Variants in GSE1 observed in about 807,000 individuals in gnomAD.
GSE1 encodes the protein Gse1 coiled-coil protein, also known as genetic suppressor element 1.
A neutral mutation model predicts 112.6 loss-of-function variants in GSE1; 32 were observed. That is an observed-to-expected ratio of 0.28 (90% CI 0.21 to 0.38). The LOEUF (loss-of-function observed/expected upper bound fraction) is 0.38. Ranked by LOEUF, GSE1 falls within the 10% of genes least tolerant of loss-of-function variation. GSE1 has a pLI of 1.00. For synonymous variants in GSE1, 1,115 were observed against 735.6 expected, an observed-to-expected ratio of 1.52 and a Z score of -8.35; for missense variants, 2,348 against 1,699.2, an observed-to-expected ratio of 1.38 and a Z score of -6.71.
At chr16:85,170,787 G>C (rs753229056) in exon 1 of GSE1, 475 of 985,462 alleles carry the variant, frequency 4.8e-4, no homozygotes, top group Non-Finnish European at 5.5e-4. Flanking sequence ...GTACCTTGGT[G>C]TGCGCCAGCT....
At chr16:85,298,614 A>G (rs1158810524) in intron 1 of GSE1, among the ~76,000 whole-genome samples, 3 of 152,078 alleles carry the variant, frequency 2.0e-5, no homozygotes, top group South Asian at 2.1e-4. Context: ...ATGTTTAGAG[A>G]TGGGGTTTCA....
intron 2 of GSE1, among the ~76,000 whole-genome samples, chr16:85,522,409 T>C (rs2052217657): frequency 8.4e-6 from 1 of 119,452 alleles, no homozygotes; most frequent in Non-Finnish European, 1.7e-5. Context: ...TCCCTCCCCA[T>C]GTCCTTCCAG....
intron 1 of GSE1, among the ~76,000 whole-genome samples, chr16:85,570,011 C>T (rs369064540): frequency 5.9e-5 from 9 of 152,308 alleles, no homozygotes; most frequent in African/African-American, 2.2e-4. Context: ...CTGGTGGCTT[C>T]CGGGATTAGA....
Position 85,656,336 on chromosome 16 carries a change from G to T in GSE1, c.990-7G>T. On this transcript the variant is annotated splice_region_variant and splice_polypyrimidine_tract_variant and intron_variant, in intron 6 of 15. Coordinates refer to ENST00000253458, the MANE Select transcript of GSE1 (RefSeq NM_014615.5). ...GCAGAGCCCCCAACTCTTTCCATGTGCTGCAGGCTGCAGATGGACGAGGAG... is the reference window on the plus strand; with the variant it reads ...GCAGAGCCCCCAACTCTTTCCATGTTCTGCAGGCTGCAGATGGACGAGGAG... The T allele has an allele frequency of 6.2e-7, 1 of 1,611,186 alleles. No homozygotes were observed. The highest frequency in any genetic ancestry group is 8.5e-7 in the Non-Finnish European group (1 of 1,179,222).
At chr16:85,286,453 T>A (rs1235501640) in intron 1 of GSE1, among the ~76,000 whole-genome samples, 1 of 152,254 alleles carries the variant, frequency 6.6e-6, no homozygotes, top group African/African-American at 2.4e-5. Context: ...AAGGACTTGG[T>A]GAGCCTGGTG....
chr16:85,394,983 G>A (rs1010703331), intron 2 of GSE1, among the ~76,000 whole-genome samples: 2 of 152,118 alleles, frequency 1.3e-5, no homozygotes, highest in Admixed American at 6.5e-5. Context: ...CAATTGAGTC[G>A]GGCCTTGATG....
chr16:85,638,978 T>C (rs2050226275), intron 2 of GSE1, among the ~76,000 whole-genome samples: 1 of 152,028 alleles, frequency 6.6e-6, no homozygotes, highest in Non-Finnish European at 1.5e-5. Context: ...CTGGGAGAAA[T>C]GGGGCTTGGA....
chr16:85,171,652 T>C, exon 1 of GSE1: 2 of 985,546 alleles, frequency 2.0e-6, no homozygotes, highest in Non-Finnish European at 2.4e-6. Context: ...CCTGTTCCTA[T>C]ACACCCTGCG....
intron 1 of GSE1, among the ~76,000 whole-genome samples, chr16:85,561,629 C>G (rs2045526195): frequency 2.0e-5 from 3 of 152,248 alleles, no homozygotes; most frequent in South Asian, 4.1e-4. Context: ...ATGAAGCCTG[C>G]TGGTGGTTGC....
intron 2 of GSE1, among the ~76,000 whole-genome samples, chr16:85,372,235 G>A (rs1045559379): frequency 1.3e-5 from 2 of 152,114 alleles, no homozygotes; most frequent in Admixed American, 6.5e-5. Context: ...GCTTGTGCTT[G>A]TGAGATCAAG....
intron 1 of GSE1, among the ~76,000 whole-genome samples, chr16:85,180,376 C>T (rs1035780694): frequency 2.0e-5 from 3 of 152,212 alleles, no homozygotes; most frequent in Admixed American, 6.5e-5. Flanking sequence ...CCCACCGAGG[C>T]CACGCTATCC....
In GSE1 at chr16:85,654,962, C is replaced by G; in HGVS notation, c.768C>G (p.Ala256=). The G allele has an allele frequency of 5.0e-6, 8 of 1,605,896 alleles. No homozygotes were observed. The highest frequency in any genetic ancestry group is 4.5e-5 in the East Asian group (2 of 44,806). The change falls in exon 5 of 16, where the codon GCC becomes GCG. Residue 256 remains alanine (A), a synonymous_variant. Coordinates refer to ENST00000253458, the MANE Select transcript of GSE1 (RefSeq NM_014615.5). The part of the protein sequence containing the change: ...AAAYYHPSYL[A]PHPFPHPAFR... ...CCTACTACCACCCCAGCTACCTGGC[C>G]CCACACCCCTTCCCCCACCCGGCCT...
At chr16:85,558,075 A>G (rs150585045) in intron 1 of GSE1, among the ~76,000 whole-genome samples, 40 of 152,256 alleles carry the variant, frequency 2.6e-4, no homozygotes, top group African/African-American at 8.2e-4. Context: ...GGAATCCCCA[A>G]CTTAGTAAAA....
chr16:85,209,463 C>T (rs954763231), intron 1 of GSE1, among the ~76,000 whole-genome samples: 1 of 152,200 alleles, frequency 6.6e-6, no homozygotes, highest in Non-Finnish European at 1.5e-5. Context: ...TTCTGCATCT[C>T]TTGTGGCCCC....
At chr16:85,383,567 CTCTCTCT>C (rs1487382535) in intron 2 of GSE1, among the ~76,000 whole-genome samples, 1 of 89,946 alleles carries the variant, frequency 1.1e-5, no homozygotes, top group African/African-American at 3.9e-5. Context: ...CTCTCTCTCT[CTCTCTCT>C]GACACTCATA....
At chr16:85,282,552 G>C (rs908204233) in intron 1 of GSE1, among the ~76,000 whole-genome samples, 10 of 152,200 alleles carry the variant, frequency 6.6e-5, no homozygotes, top group Non-Finnish European at 1.3e-4. Context: ...CACAGGATCG[G>C]GGAAACGTTC....
intron 1 of GSE1, among the ~76,000 whole-genome samples, chr16:85,294,694 C>T (rs984677980): frequency 6.8e-6 from 1 of 146,646 alleles, no homozygotes. Context: ...TCCCTCCCCA[C>T]CCCCCACCAA....
chr16:85,408,289 GGC>G (rs1374859862), intron 2 of GSE1, among the ~76,000 whole-genome samples: 1 of 10,574 alleles, frequency 9.5e-5, no homozygotes, highest in Non-Finnish European at 1.6e-4. Flanking sequence ...TTACACTCAG[GGC>G]CCCCCGGATA....
At chr16:85,526,049 C>G (rs1388677660) in intron 2 of GSE1, among the ~76,000 whole-genome samples, 1 of 152,214 alleles carries the variant, frequency 6.6e-6, no homozygotes, top group African/African-American at 2.4e-5. Flanking sequence ...TCCCTGTCCC[C>G]TGGCTCATGG....
Sources: allele counts gnomAD v4.1 joint callset (sites outside exome capture counted in the v4.1 genomes callset), GRCh38; gene constraint gnomAD v4.1.1; transcripts MANE v1.5; gene names NCBI Gene and HGNC (gene_info 2026-07-23, HGNC 2026-07-21).